The following LAT2 variants were observed in gnomAD, a reference collection of about 807,000 sequenced individuals.
The protein encoded by LAT2 is linker for activation of T-cells family member 2.
In LAT2, 23 loss-of-function variants were observed where a neutral mutation model predicts 43.4. The ratio of observed to expected loss-of-function variants is 0.53; its 90% confidence interval spans 0.38 to 0.75. The LOEUF is 0.75. Among genes scored for constraint, LAT2 ranks in the 30% least tolerant of loss-of-function variants. The pLI is 0.00. For synonymous variants in LAT2, 128 were observed against 123.2 expected (o/e 1.04, Z -0.26); for missense variants, 284 against 310.2 (o/e 0.92, Z 0.64).
At chr7:74,210,278 T>C (rs567279778) in intron 1 of LAT2, among the ~76,000 whole-genome samples, 190 bp downstream of exon 1, 2 of 152,280 alleles carry the variant, frequency 1.3e-5, no homozygotes, top group East Asian at 3.9e-4. Flanking sequence ...GGCCACTCTC[T>C]TGCCCTCGCC....
Position 74,224,104 on chromosome 7 carries a change from T to C in LAT2, c.535T>C (p.Cys179Arg). ...GAAGACTGGCCCCACTTCTGGTCTCTGTCCCTCTGCCTCCCCGGAAGAAGA... is the reference window on the plus strand; with the variant it reads ...GAAGACTGGCCCCACTTCTGGTCTCCGTCCCTCTGCCTCCCCGGAAGAAGA... ...ALKTGPTSGL[C>R]PSASPEEDEE... Residue 179 changes from cysteine to arginine, a missense_variant, in exon 12 of 14, where the codon TGT becomes CGT. Physicochemically the swap from Cys to Arg is radical, Grantham distance 180. Transcript: ENST00000460943. 1.2e-6 allele frequency: 2 copies of C among 1,614,194 alleles called. No homozygotes were observed. Among genetic ancestry groups the C allele is most frequent in the Non-Finnish European group, 1.7e-6 (2 of 1,180,024 alleles).
At position 74,224,719 on chromosome 7, in the gene LAT2, G is replaced by A. The variant is rs1554715842; in HGVS notation, c.709G>A (p.Glu237Lys). 1.2e-6 allele frequency: 2 copies of A among 1,602,774 alleles called. No individual in the cohort carries two copies. The highest frequency in any genetic ancestry group is 2.7e-5 in the African/African-American group (2 of 74,814). ...EDGEPDYVNG[E>K]VAATEA ...CGGGGAACCGGATTACGTGAATGGGGAGGTGGCAGCCACAGAAGCCTAGGG... is the reference window on the plus strand; with the variant it reads ...CGGGGAACCGGATTACGTGAATGGGAAGGTGGCAGCCACAGAAGCCTAGGG... The change falls in exon 13 of 14, where the codon GAG (glutamate) becomes AAG (lysine). Residue 237 changes from glutamate (E) to lysine (K), a missense_variant. By Grantham distance (56) the Glu-to-Lys change is moderately conservative. Transcript: ENST00000460943.
intron 3 of LAT2, 39 bp from the exon 4 acceptor site, chr7:74,216,786 G>T (rs1563970329): frequency 6.2e-7 from 1 of 1,605,116 alleles, no homozygotes; most frequent in South Asian, 1.1e-5. Context: ...GGTCGCAGCT[G>T]CTCCCAGACC....
chr7:74,211,245 G>A (rs1031181288), intron 1 of LAT2, among the ~76,000 whole-genome samples: 59 of 152,168 alleles, frequency 3.9e-4, no homozygotes, highest in South Asian at 2.1e-4. Context: ...GTGAGAGCGA[G>A]ACAGAGACAC....
At chr7:74,214,791 A>ATATATAAATATATATATATATATT (rs1278478546) in intron 1 of LAT2, 31 bp from the exon 2 acceptor site, 6 of 79,344 alleles carry the variant, frequency 7.6e-5, no homozygotes, top group African/African-American at 3.8e-4. Context: ...ATATATATAT[A>ATATATAAATATATATATATATATT]TTTTTTTTTT....
At position 74,215,982 on chromosome 7, in the gene LAT2, T is replaced by C. The variant is rs1554714200; in HGVS notation, c.7T>C (p.Ser3Pro). 6.2e-7 allele frequency: 1 copy of C among 1,613,866 alleles called. No homozygotes were observed. Among genetic ancestry groups the C allele is most frequent in the South Asian group, 1.1e-5 (1 of 91,090 alleles). The change falls in exon 3 of 14, where the codon TCG (serine) becomes CCG (proline). Residue 3 changes from serine (S) to proline (P), a missense_variant. Physicochemically the swap from Ser to Pro is moderately conservative, Grantham distance 74. Transcript: ENST00000460943. MS[S>P]GTELLWPGAA... ...GGCAACACCAGGAGCCAACATGAGC[T>C]CGGGGACTGAACTGCTGTGGCCCGG...
intron 10 of LAT2, among the ~76,000 whole-genome samples, chr7:74,222,482 G>A (rs1484093648): frequency 3.3e-5 from 5 of 151,806 alleles, no homozygotes; most frequent in Non-Finnish European, 7.4e-5. Flanking sequence ...ATGGGCCTGC[G>A]GTTTGAATCC....
At chr7:74,226,210 TCA>T (rs1802481191) in intron 13 of LAT2, 1 of 149,558 alleles carries the variant, frequency 6.7e-6, no homozygotes, top group Non-Finnish European at 1.5e-5. Context: ...CCATCTCGGC[TCA>T]CTGCAACCTC....
intron 4 of LAT2, among the ~76,000 whole-genome samples, chr7:74,218,961 G>T (rs1441415437): frequency 7.0e-6 from 1 of 142,760 alleles, no homozygotes; most frequent in African/African-American, 2.6e-5. Context: ...GCCTCCCAAA[G>T]CCCTGGGATT....
Position 74,215,934 on chromosome 7 carries a change from C to T in LAT2, c.-29-13C>T, listed in dbSNP as rs374916312. ...AAAAGGGGCCCCTTGCTCACGGGCACCTCCCATTTCAGCATCACAAGAGGC... is the reference window on the plus strand; with the variant it reads ...AAAAGGGGCCCCTTGCTCACGGGCATCTCCCATTTCAGCATCACAAGAGGC... On this transcript the variant is annotated splice_polypyrimidine_tract_variant and intron_variant, in intron 2 of 13. Transcript: ENST00000460943. The T allele has an allele frequency of 1.5e-5, 24 of 1,584,136 alleles. No homozygotes were observed. The highest frequency in any genetic ancestry group is 2.1e-5 in the Non-Finnish European group (24 of 1,153,102).
rs1801927902 is a variant in LAT2, at chr7:74,214,559, AATATATATATATGAAAAT to A, written c.-218-253_-218-236del. On this transcript the variant is annotated intron_variant, in intron 1 of 13. Coordinates refer to ENST00000460943, the MANE Select transcript of LAT2 (RefSeq NM_032464.3). ...ATGAATATATATATATATATATGAA[AATATATATATATGAAAAT>A]ATATATATAAATATATATATGAAAA... Among the ~76,000 whole-genome samples the A allele has an allele frequency of 2.2e-3, 5 of 2,254 alleles. 1 individual carries two copies. The highest frequency in any genetic ancestry group is 6.1e-3 in the African/African-American group (2 of 328). The allele number at this position is 2,254 out of a possible 152,430, so 1.5% of individuals were successfully genotyped here.
chr7:74,224,617 C>G, intron 12 of LAT2, 22 bp from the exon 13 acceptor site: 1 of 1,566,072 alleles, frequency 6.4e-7, no homozygotes, highest in Non-Finnish European at 8.7e-7. Flanking sequence ...ACTCGATGAC[C>G]TGTCTGCCCG....
rs537709004 is a variant in LAT2, at chr7:74,213,877, C to T, written c.-218-945C>T. On this transcript the variant is annotated intron_variant, in intron 1 of 13. Transcript: ENST00000460943. ...CGGGAGTGTTGGCTCCACAAATGCC[C>T]ACCATACTCAACCCCTTCAGAGACC... Among the ~76,000 whole-genome samples the T allele has an allele frequency of 3.7e-4, 56 of 151,318 alleles. No homozygotes were observed. In the Middle Eastern group the frequency reaches 0.01, roughly 28 times the overall value.
Position 74,216,081 on chromosome 7 carries a change from T to C in LAT2, c.94+12T>C. 1 of 1,601,894 alleles carries C rather than the reference T, an allele frequency of 6.2e-7. No homozygotes were observed. Among genetic ancestry groups the C allele is most frequent in the South Asian group, 1.1e-5 (1 of 90,358 alleles). ...CTGCTCACGCCCAGGTAAGCGGGGG[T>C]CTCGGGGACGTGATGGGGAGAAGGT... On this transcript the variant is annotated intron_variant, in intron 3 of 13. Transcript: ENST00000460943.
rs868914052 is a variant in LAT2, at chr7:74,217,079, G to A, written c.134+215G>A. On this transcript the variant is annotated intron_variant, in intron 4 of 13. Coordinates refer to ENST00000460943, the MANE Select transcript of LAT2 (RefSeq NM_032464.3). Reference sequence around the variant, plus strand: ...TGGGTTAGGGAGGGCTTTGGGAGGCGGGGACGCCTGGGCTGTGGGGCTAGC... The same window carrying A: ...TGGGTTAGGGAGGGCTTTGGGAGGCAGGGACGCCTGGGCTGTGGGGCTAGC... Among the ~76,000 whole-genome samples the A allele has an allele frequency of 6.6e-5, 10 of 152,254 alleles. No homozygotes were observed. In the East Asian group the frequency reaches 9.7e-4, roughly 15 times the overall value.
chr7:74,216,363 G>A (rs1445284103), intron 3 of LAT2, among the ~76,000 whole-genome samples: 2 of 151,978 alleles, frequency 1.3e-5, no homozygotes, highest in African/African-American at 4.8e-5. Flanking sequence ...AAAAAAGGGT[G>A]AGCAAATACC....
intron 13 of LAT2, chr7:74,226,490 CA>C (rs1245628139): frequency 1.2e-4 from 18 of 149,336 alleles, no homozygotes; most frequent in South Asian, 6.4e-4. Context: ...GACCCCATCT[CA>C]AAAAAAAAAT....
rs148806274 is a variant in LAT2, at chr7:74,223,593, C to T, written c.389-131C>T. 9.7e-5 allele frequency: 79 copies of T among 814,566 alleles called. 1 individual carries two copies. The highest frequency in any genetic ancestry group is 3.2e-4 in the East Asian group (13 of 40,570). The allele number at this position is 814,566 out of a possible 1,614,324, so 50.5% of individuals were successfully genotyped here. On this transcript the variant is annotated intron_variant, in intron 10 of 13. Transcript: ENST00000460943. Reference sequence around the variant, plus strand: ...TCATCCAGAAGAAGGCTTGAGGTCCCGGGGGACCCAGAGGGCTAGGGCTTG... The same window carrying T: ...TCATCCAGAAGAAGGCTTGAGGTCCTGGGGGACCCAGAGGGCTAGGGCTTG...
intron 4 of LAT2, 110 bp downstream of exon 4, chr7:74,216,974 C>T (rs1356350821): frequency 1.3e-5 from 12 of 921,084 alleles, no homozygotes; most frequent in East Asian, 5.0e-5. Context: ...ACACCTCCTC[C>T]GTGCCAAGTT....
Sources: gnomAD v4.1 joint callset for allele counts (sites outside exome capture counted in the v4.1 genomes callset) on GRCh38, gnomAD v4.1.1 for gene constraint, MANE v1.5 for transcripts, NCBI Gene and HGNC (gene_info 2026-07-23, HGNC 2026-07-21) for gene names.